Variants in MAP3K13 observed in about 807,000 individuals in gnomAD.
The protein encoded by MAP3K13 is mitogen-activated protein kinase kinase kinase 13, also known as leucine zipper-bearing kinase.
MAP3K13 carries 52 observed loss-of-function variants against 104.0 expected under a neutral mutation model. The observed-to-expected ratio is 0.50, with a 90% CI of 0.40 to 0.63. The LOEUF is 0.63. Ranked by LOEUF, MAP3K13 falls within the 20% of genes least tolerant of loss-of-function variation. MAP3K13 has a pLI of 0.00. For synonymous variants in MAP3K13, 394 were observed against 442.2 expected (o/e 0.89, Z 1.37); for missense variants, 914 against 1,218.5 (o/e 0.75, Z 3.72).
At chr3:185,331,944 A>G (rs1185056687) in intron 2 of MAP3K13, among the ~76,000 whole-genome samples, 1 of 152,204 alleles carries the variant, frequency 6.6e-6, no homozygotes, top group Non-Finnish European at 1.5e-5. Context: ...CTTTCCATGT[A>G]AGTACATAGA....
chr3:185,442,077 A>T (rs1206058793), intron 3 of MAP3K13, among the ~76,000 whole-genome samples: 1 of 150,882 alleles, frequency 6.6e-6, no homozygotes, highest in Non-Finnish European at 1.5e-5. Context: ...GTGGTGGTGC[A>T]CACCTGTAAT....
chr3:185,418,622 C>T lies in MAP3K13; in HGVS notation c.-85-9875C>T, dbSNP rs1488092713. 6.2e-7 allele frequency: 1 copy of T among 1,611,954 alleles called. No homozygotes were observed. Among genetic ancestry groups the T allele is most frequent in the Non-Finnish European group, 8.5e-7 (1 of 1,179,468 alleles). On this transcript the variant is annotated intron_variant, in intron 1 of 13. Coordinates refer to ENST00000265026, the MANE Select transcript of MAP3K13 (RefSeq NM_004721.5). The surrounding 1 kb of genome is among the most constrained non-coding windows in gnomAD (Gnocchi z 4.5). Reference sequence around the variant, plus strand: ...TGATGACCTGCTAATTCACTGGCAGCGTAGGGCTGTCTGTTGTTTTTGCGC... The same window carrying T: ...TGATGACCTGCTAATTCACTGGCAGTGTAGGGCTGTCTGTTGTTTTTGCGC...
intron 10 of MAP3K13, among the ~76,000 whole-genome samples, chr3:185,471,445 C>A (rs931940849): frequency 8.1e-5 from 11 of 136,476 alleles, no homozygotes; most frequent in Non-Finnish European, 1.6e-4. Context: ...ACCTGGACGA[C>A]CTTTACTTTT....
intron 2 of MAP3K13, chr3:185,292,219 C>A (rs1164863824): frequency 6.4e-6 from 1 of 155,698 alleles, no homozygotes; most frequent in African/African-American, 2.4e-5. Flanking sequence ...GCAGGAGAAT[C>A]ACTTGAAACC....
At chr3:185,398,164 G>A (rs1712537830) in intron 1 of MAP3K13, among the ~76,000 whole-genome samples, 1 of 152,042 alleles carries the variant, frequency 6.6e-6, no homozygotes, top group South Asian at 2.1e-4. Flanking sequence ...AGTGTGACCT[G>A]AAGAACTGAC....
intron 7 of MAP3K13, among the ~76,000 whole-genome samples, chr3:185,455,867 GAT>G (rs1392883626): frequency 3.2e-4 from 17 of 52,976 alleles, no homozygotes; most frequent in African/African-American, 6.9e-4. Context: ...ATATATATGA[GAT>G]ATAGATGAGA....
upstream of MAP3K13, among the ~76,000 whole-genome samples, chr3:185,362,564 C>T (rs1723672964): frequency 6.6e-6 from 1 of 152,184 alleles, no homozygotes; most frequent in South Asian, 2.1e-4. Context: ...AAAACAGCTA[C>T]ATTCGTGTAA....
intron 1 of MAP3K13, among the ~76,000 whole-genome samples, chr3:185,373,823 ATTTT>A (rs148364519): frequency 0.01 from 1,147 of 113,304 alleles, 22 homozygotes; most frequent in African/African-American, 0.037. Context: ...AGTGAAAAGG[ATTTT>A]TTTTTTTTTT....
At chr3:185,400,206 G>C (rs140579160) in intron 1 of MAP3K13, among the ~76,000 whole-genome samples, 1 of 152,254 alleles carries the variant, frequency 6.6e-6, no homozygotes, top group Non-Finnish European at 1.5e-5. Context: ...GCTGATGTTT[G>C]TGCGTCTCCC....
intron 2 of MAP3K13, among the ~76,000 whole-genome samples, chr3:185,348,638 G>A (rs1229789623): frequency 6.6e-6 from 1 of 152,164 alleles, no homozygotes; most frequent in East Asian, 1.9e-4. Flanking sequence ...GATAGGCCTG[G>A]CCAGGCATGG....
chr3:185,439,545 A>G (rs1715216889), intron 3 of MAP3K13, among the ~76,000 whole-genome samples: 1 of 152,146 alleles, frequency 6.6e-6, no homozygotes, highest in Admixed American at 6.5e-5. Context: ...AACTTAGATC[A>G]CTAGGACGCT....
At position 185,473,468 on chromosome 3, in the gene MAP3K13, C is replaced by A; in HGVS notation, c.2137C>A (p.Pro713Thr). The change falls in exon 11 of 14, where the codon CCT becomes ACT. Residue 713 changes from proline to threonine, a missense_variant. Physicochemically the swap from Pro to Thr is conservative, Grantham distance 38. This residue lies in a region of MAP3K13 where 583 missense variants were observed against 737.4 expected (regional missense o/e 0.79). Transcript: ENST00000265026. This position sits in a 1 kb window ranked among gnomAD's most constrained non-coding sequence, Gnocchi z 4.9. Reference sequence around the variant, plus strand: ...TGCAGACTGCTGGAGAAGTTCTGAGCCTGACAAGGGCCAAGCTGGTCCCTG... The same window carrying A: ...TGCAGACTGCTGGAGAAGTTCTGAGACTGACAAGGGCCAAGCTGGTCCCTG... Reference protein sequence around the residue: ...MAADCWRSSEPDKGQAGPWGC... With the variant: ...MAADCWRSSETDKGQAGPWGC... 6.2e-7 allele frequency: 1 copy of A among 1,614,222 alleles called. No individual in the cohort carries two copies. The highest frequency in any genetic ancestry group is 8.5e-7 in the Non-Finnish European group (1 of 1,180,046).
chr3:185,406,549 G>A (rs1259778947), intron 1 of MAP3K13, among the ~76,000 whole-genome samples: 1 of 152,168 alleles, frequency 6.6e-6, no homozygotes, highest in Non-Finnish European at 1.5e-5. Context: ...AGCCAAGCAT[G>A]CCTTCTAATT....
chr3:185,286,904 G>A (rs772395354), intron 2 of MAP3K13, among the ~76,000 whole-genome samples: 1 of 151,870 alleles, frequency 6.6e-6, no homozygotes, highest in Non-Finnish European at 1.5e-5. Context: ...CATAATGCTA[G>A]GAAACAAACA....
Position 185,473,141 on chromosome 3 carries a change from G to A in MAP3K13, c.1810G>A (p.Ala604Thr), listed in dbSNP as rs753307506. ...CAGAGGCAGCCATAGTGACTTTGCC[G>A]CAATCTTGAAAAACCAGCCAGCCCA... is the stretch of plus-strand genomic sequence containing the variant. ...NSRGSHSDFA[A>T]ILKNQPAQEN... Residue 604 changes from alanine (A) to threonine (T), a missense_variant, in exon 11 of 14, where the codon GCA becomes ACA. Ala to Thr is a moderately conservative substitution (Grantham distance 58, BLOSUM62 0). This residue lies in a region of MAP3K13 where 583 missense variants were observed against 737.4 expected (regional missense o/e 0.79). Transcript: ENST00000265026. The surrounding 1 kb of genome is among the most constrained non-coding windows in gnomAD (Gnocchi z 4.9). 60 of 1,613,922 alleles carry A rather than the reference G, an allele frequency of 3.7e-5. No homozygotes were observed. Among genetic ancestry groups the A allele is most frequent in the East Asian group, 2.2e-4 (10 of 44,884 alleles).
In MAP3K13 at chr3:185,428,672, C is replaced by T; in HGVS notation, c.91C>T (p.Leu31Phe). The T allele has an allele frequency of 6.2e-7, 1 of 1,614,162 alleles. No homozygotes were observed. Among genetic ancestry groups the T allele is most frequent in the African/African-American group, 1.3e-5 (1 of 75,038 alleles). Reference sequence around the variant, plus strand: ...AACCTTCAATGGACTACAAGATGAGCTCACAGCTATGGGGAACCACCCTTC... The same window carrying T: ...AACCTTCAATGGACTACAAGATGAGTTCACAGCTATGGGGAACCACCCTTC... ...SKTFNGLQDELTAMGNHPSPK... is the reference protein window; with the variant it reads ...SKTFNGLQDEFTAMGNHPSPK... The change falls in exon 2 of 14, where the codon CTC (leucine) becomes TTC (phenylalanine). Residue 31 changes from leucine (L) to phenylalanine (F), a missense_variant. Transcript: ENST00000265026.
At chr3:185,320,143 C>T (rs1035475604) in intron 2 of MAP3K13, among the ~76,000 whole-genome samples, 5 of 148,880 alleles carry the variant, frequency 3.4e-5, no homozygotes, top group African/African-American at 1.2e-4. Context: ...TGGAGTGGTG[C>T]GATCTCAGCT....
chr3:185,401,808 T>C (rs1165668767), intron 1 of MAP3K13, among the ~76,000 whole-genome samples: 1 of 152,116 alleles, frequency 6.6e-6, no homozygotes, highest in Admixed American at 6.5e-5. Flanking sequence ...GGAAATGAGG[T>C]TTTGAGGCAC....
chr3:185,329,916 A>C (rs1293276779), intron 2 of MAP3K13, among the ~76,000 whole-genome samples: 2 of 24,128 alleles, frequency 8.3e-5, no homozygotes, highest in Non-Finnish European at 1.9e-4. Flanking sequence ...TTTTTTTTTG[A>C]GACGGAGTCT....
Sources: allele counts gnomAD v4.1 joint callset (sites outside exome capture counted in the v4.1 genomes callset), GRCh38; gene constraint gnomAD v4.1.1; regional missense constraint gnomAD v4.1.1; non-coding constraint Gnocchi (gnomAD v3.1); transcripts MANE v1.5; gene names NCBI Gene and HGNC (gene_info 2026-07-23, HGNC 2026-07-21).